LOXHD1: variants seen among roughly 807,000 people sequenced by gnomAD.
The protein encoded by LOXHD1 is lipoxygenase homology PLAT domains 1.
Under a neutral mutation model 248.2 loss-of-function variants are expected in LOXHD1, and 205 were observed. The ratio of observed to expected loss-of-function variants is 0.83; its 90% CI spans 0.74 to 0.93. The LOEUF (loss-of-function observed/expected upper bound fraction) is 0.93, where lower values mean the gene tolerates loss of function less well. Among genes scored for constraint, LOXHD1 ranks in the 40% least tolerant of loss-of-function variants. The pLI, the probability that LOXHD1 is intolerant of heterozygous loss-of-function variation, is 0.00. For missense variants in LOXHD1, 2,930 were observed against 2,971.6 expected, an observed-to-expected ratio of 0.99 and a Z score of 0.33; for synonymous variants, 1,113 against 1,162.8, an observed-to-expected ratio of 0.96 and a Z score of 0.87.
rs1018605358 is a variant in LOXHD1 at position 46,610,780 on chromosome 18, G to A, written c.755C>T (p.Ser252Phe). The A allele has an allele frequency of 5.6e-5, 87 of 1,550,738 alleles. No homozygotes were observed. The highest frequency in any genetic ancestry group is 7.3e-5 in the Non-Finnish European group (84 of 1,146,552). Residue 252 changes from serine to phenylalanine, a missense_variant, in exon 6 of 41, where the codon TCC becomes TTC. Physicochemically the swap from Ser to Phe is radical, Grantham distance 155 (BLOSUM62 -2). Coordinates refer to ENST00000642948, the MANE Select transcript of LOXHD1 (RefSeq NM_001384474.1). ...CAGAGAAGCAGCTGAACTCACCTGG[G>A]ACAGGAACCAACCTGCAGAGCCCCC... ...NKGGSAGWFL[S>F]QIVIEDIGNK...
intron 37 of LOXHD1, among the ~76,000 whole-genome samples, chr18:46,490,097 C>T (rs2033355027): frequency 6.6e-6 from 1 of 152,148 alleles, no homozygotes; most frequent in African/African-American, 2.4e-5. Flanking sequence ...GCTCTTTATA[C>T]CATGCACTGG....
intron 12 of LOXHD1, among the ~76,000 whole-genome samples, chr18:46,583,837 G>T (rs371027608): frequency 4.4e-4 from 33 of 74,914 alleles, no homozygotes; most frequent in African/African-American, 1.3e-3. Flanking sequence ...CCATTACTGG[G>T]TATATATCCA....
At chr18:46,535,919 A>G (rs950957427) in intron 26 of LOXHD1, among the ~76,000 whole-genome samples, 1 of 152,156 alleles carries the variant, frequency 6.6e-6, no homozygotes, top group African/African-American at 2.4e-5. Flanking sequence ...TTTAGGGGAC[A>G]GCTACTCATG....
At chr18:46,601,054 A>G (rs2038328869) in intron 8 of LOXHD1, among the ~76,000 whole-genome samples, 163 bp downstream of exon 8, 1 of 152,202 alleles carries the variant, frequency 6.6e-6, no homozygotes, top group Non-Finnish European at 1.5e-5. Context: ...CTTTTGAGGC[A>G]AGATAGACGG....
intron 40 of LOXHD1, among the ~76,000 whole-genome samples, chr18:46,483,331 C>T (rs1392580753): frequency 2.0e-5 from 3 of 152,168 alleles, no homozygotes; most frequent in Non-Finnish European, 2.9e-5. Context: ...AAGGAAGCAT[C>T]CCTGGATCCA....
At chr18:46,592,881 C>T (rs1256051153) in intron 10 of LOXHD1, among the ~76,000 whole-genome samples, 1 of 152,224 alleles carries the variant, frequency 6.6e-6, no homozygotes, top group Non-Finnish European at 1.5e-5. Flanking sequence ...AAGCAATAAA[C>T]TTCCAGTAAC....
chr18:46,489,287 G>A, intron 37 of LOXHD1, 145 bp from the exon 38 acceptor site: 1 of 850,066 alleles, frequency 1.2e-6, no homozygotes, highest in Non-Finnish European at 1.9e-6. Flanking sequence ...TTGATAAAGT[G>A]AGGGGTTGGG....
At chr18:46,649,385 C>G in intron 1 of LOXHD1, 116 bp from the exon 2 acceptor site, 2 of 804,066 alleles carry the variant, frequency 2.5e-6, no homozygotes, top group South Asian at 1.7e-5. Context: ...CTCTTGGAAT[C>G]CCTGCTGCAT....
At chr18:46,643,218 C>G (rs1434043647) in intron 2 of LOXHD1, among the ~76,000 whole-genome samples, 2 of 152,090 alleles carry the variant, frequency 1.3e-5, no homozygotes, top group Non-Finnish European at 2.9e-5. Flanking sequence ...AAAAGAGACC[C>G]CCACAGGATG....
intron 12 of LOXHD1, among the ~76,000 whole-genome samples, chr18:46,582,906 A>T (rs2037989989): frequency 6.6e-6 from 1 of 152,156 alleles, no homozygotes; most frequent in Non-Finnish European, 1.5e-5. Flanking sequence ...CAGGGCTTGT[A>T]TGGCTTAAAC....
intron 34 of LOXHD1, among the ~76,000 whole-genome samples, chr18:46,510,585 G>A (rs1453220429): frequency 6.6e-6 from 1 of 152,126 alleles, no homozygotes. Flanking sequence ...TAAGGCCCTC[G>A]GGGTAATGCA....
rs999815551 is a variant in LOXHD1, at chr18:46,560,855, C to T, written c.2599-310G>A. ...GCACGTATACACACACACACGCACG[C>T]GCGCGCGCGCGCCTCATTCCTATGA... On this transcript the variant is annotated intron_variant, in intron 18 of 40. Transcript: ENST00000642948. 9.5e-5 allele frequency among the ~76,000 whole-genome samples: 8 copies of T among 84,308 alleles called. No individual in the cohort carries two copies. The South Asian group carries it at 2.4e-3, about 26-fold the overall frequency. The allele number at this position is 84,308 out of a possible 152,430, so 55.3% of individuals were successfully genotyped here.
chr18:46,528,641 G>A (rs1265606316), intron 29 of LOXHD1, among the ~76,000 whole-genome samples: 3 of 150,634 alleles, frequency 2.0e-5, no homozygotes, highest in East Asian at 4.0e-4. Context: ...CCGCTCCCAA[G>A]GGCCTTGGAG....
chr18:46,509,643 C>A (rs1164009204), intron 35 of LOXHD1, 55 bp downstream of exon 35: 2 of 1,310,706 alleles, frequency 1.5e-6, no homozygotes, highest in Admixed American at 2.0e-5. Flanking sequence ...CCAGAGGAAC[C>A]AGGGGAAGGG....
At chr18:46,647,015 T>C (rs1012797557) in intron 2 of LOXHD1, among the ~76,000 whole-genome samples, 1 of 152,196 alleles carries the variant, frequency 6.6e-6, no homozygotes, top group Non-Finnish European at 1.5e-5. Flanking sequence ...TCTAGAGCAC[T>C]CCTGACCAGC....
chr18:46,478,047 A>T, intron 40 of LOXHD1, 95 bp from the exon 41 acceptor site: 1 of 1,438,584 alleles, frequency 7.0e-7, no homozygotes, highest in Non-Finnish European at 9.3e-7. Context: ...TCTATAAATG[A>T]TCCCTTCCCA....
rs951333133 is a variant in LOXHD1, at chr18:46,524,919, T to G, written c.4531-2A>C. Reference sequence around the variant, plus strand: ...GGCCTCGATGATGAAGGTGTCAGCCTGGGGAGCCCAGATGTGGGGACTCAT... The same window carrying G: ...GGCCTCGATGATGAAGGTGTCAGCCGGGGGAGCCCAGATGTGGGGACTCAT... On this transcript the variant is annotated splice_acceptor_variant, in intron 29 of 40. Transcript: ENST00000642948. LOFTEE classifies it high-confidence loss of function. 1 of 1,551,626 alleles carries G rather than the reference T, an allele frequency of 6.4e-7. No individual in the cohort carries two copies.
At chr18:46,537,872 G>A (rs2036383300) in intron 26 of LOXHD1, among the ~76,000 whole-genome samples, 1 of 152,188 alleles carries the variant, frequency 6.6e-6, no homozygotes, top group Admixed American at 6.5e-5. Flanking sequence ...ATTGTTGGAA[G>A]CTCTAGAGAG....
intron 4 of LOXHD1, among the ~76,000 whole-genome samples, chr18:46,624,171 C>T (rs550350136): frequency 4.1e-4 from 63 of 152,304 alleles, no homozygotes; most frequent in African/African-American, 1.3e-3. Flanking sequence ...AATGATTGGG[C>T]CTGATTTTAC....
Sources: gnomAD v4.1 joint callset for allele counts (sites outside exome capture counted in the v4.1 genomes callset) on GRCh38, gnomAD v4.1.1 for gene constraint, MANE v1.5 for transcripts, NCBI Gene and HGNC (gene_info 2026-07-23, HGNC 2026-07-21) for gene names.